The following NTM variants were observed in gnomAD, a reference collection of about 807,000 sequenced individuals.
NTM encodes IgLON family member 2.
Under a neutral mutation model 42.1 loss-of-function variants are expected in NTM, and 13 were observed. The ratio of observed to expected loss-of-function variants is 0.31; its 90% CI spans 0.20 to 0.49. The LOEUF (loss-of-function observed/expected upper bound fraction) is 0.49, where lower values mean the gene tolerates loss of function less well. Among genes scored for constraint, NTM ranks in the 20% least tolerant of loss-of-function variants. The pLI is 0.99. For synonymous variants in NTM, 187 were observed against 179.2 expected (o/e 1.04, Z -0.35); for missense variants, 373 against 452.8 (o/e 0.82, Z 1.60).
Position 132,335,185 on chromosome 11 carries a change from A to G in NTM, c.*39A>G, listed in dbSNP as rs373495069. 5.4e-5 allele frequency: 86 copies of G among 1,596,476 alleles called. No individual in the cohort carries two copies. In the African/African-American group the frequency reaches 1.0e-3, roughly 19 times the overall value. ...TCCCCACCCGGGAAAGGCTGCCGCC[A>G]CCACCACCACCAACACAACAGCAAT... On this transcript the variant is annotated 3_prime_UTR_variant, in exon 9 of 9. Coordinates refer to ENST00000683400, the MANE Select transcript of NTM (RefSeq NM_001352005.2).
intron 4 of NTM, among the ~76,000 whole-genome samples, chr11:132,250,792 T>C (rs1425763492): frequency 6.6e-6 from 1 of 152,212 alleles, no homozygotes; most frequent in Non-Finnish European, 1.5e-5. Flanking sequence ...TGTCATGCAT[T>C]TCTTTATATA....
chr11:132,196,324 G>A (rs1279034532), intron 3 of NTM, among the ~76,000 whole-genome samples: 5 of 152,156 alleles, frequency 3.3e-5, no homozygotes, highest in Non-Finnish European at 5.9e-5. Context: ...GTAGAGAAAA[G>A]GGAACAGGTT....
chr11:132,253,445 G>A (rs1020616012), intron 4 of NTM, among the ~76,000 whole-genome samples: 16 of 117,598 alleles, frequency 1.4e-4, no homozygotes, highest in Admixed American at 9.1e-4. Flanking sequence ...TATGAAAATG[G>A]GGCAGATTTC....
intron 1 of NTM, among the ~76,000 whole-genome samples, chr11:131,853,550 G>A (rs1592286990): frequency 2.0e-5 from 3 of 152,276 alleles, no homozygotes; most frequent in South Asian, 4.1e-4. Context: ...AGCTCCGTCC[G>A]TGTCCCTGCA....
intron 2 of NTM, among the ~76,000 whole-genome samples, chr11:131,952,857 C>T (rs944068403): frequency 6.6e-6 from 1 of 152,196 alleles, no homozygotes; most frequent in Admixed American, 6.5e-5. Flanking sequence ...CTATTTCTCT[C>T]TTCTTGCCCT....
chr11:132,039,255 T>C (rs2076889928), intron 2 of NTM, among the ~76,000 whole-genome samples: 1 of 152,166 alleles, frequency 6.6e-6, no homozygotes, highest in Non-Finnish European at 1.5e-5. Context: ...CTTTGTTTCA[T>C]AGCCAACCTC....
intron 4 of NTM, among the ~76,000 whole-genome samples, chr11:132,257,922 C>T (rs1227053558): frequency 6.6e-6 from 1 of 152,206 alleles, no homozygotes; most frequent in Non-Finnish European, 1.5e-5. Context: ...AGATTGCTCA[C>T]CTGCCGTCCT....
intron 1 of NTM, among the ~76,000 whole-genome samples, chr11:131,673,666 A>G (rs1314978464): frequency 2.0e-5 from 3 of 152,176 alleles, no homozygotes; most frequent in African/African-American, 4.8e-5. Flanking sequence ...CACTGGGAGC[A>G]CTGCTGGACA....
chr11:131,911,016 T>C (rs1370313731), intron 1 of NTM: 2 of 1,018,602 alleles, frequency 2.0e-6, no homozygotes, highest in East Asian at 8.5e-5. Flanking sequence ...TTACAAAGTG[T>C]TGGATGTCCC....
intron 1 of NTM, among the ~76,000 whole-genome samples, chr11:131,652,186 G>A (rs983180294): frequency 6.6e-6 from 1 of 152,182 alleles, no homozygotes; most frequent in African/African-American, 2.4e-5. Context: ...GGCCCCATAA[G>A]GCTTCTGTGA....
At chr11:131,943,547 G>A (rs902496874) in intron 2 of NTM, among the ~76,000 whole-genome samples, 5 of 152,216 alleles carry the variant, frequency 3.3e-5, no homozygotes, top group Non-Finnish European at 7.3e-5. Flanking sequence ...CGCCCTGCCA[G>A]AGTGAAAGAG....
At chr11:132,325,085 A>T (rs1189012375) in intron 7 of NTM, among the ~76,000 whole-genome samples, 1 of 152,094 alleles carries the variant, frequency 6.6e-6, no homozygotes, top group African/African-American at 2.4e-5. Context: ...AAACCTAGGC[A>T]TTACCATTCA....
At chr11:131,957,352 A>C (rs183164989) in intron 2 of NTM, among the ~76,000 whole-genome samples, 1 of 152,328 alleles carries the variant, frequency 6.6e-6, no homozygotes, top group Admixed American at 6.5e-5. Flanking sequence ...GAAGGGAAGT[A>C]ATGCAACTTG....
At chr11:131,794,243 C>T (rs961670002) in intron 1 of NTM, among the ~76,000 whole-genome samples, 17 of 152,112 alleles carry the variant, frequency 1.1e-4, no homozygotes, top group Non-Finnish European at 1.9e-4. Flanking sequence ...CTGCACCTCC[C>T]CTGTGAGCAG....
At chr11:131,646,340 G>C (rs2065769818) in intron 1 of NTM, among the ~76,000 whole-genome samples, 1 of 152,020 alleles carries the variant, frequency 6.6e-6, no homozygotes, top group Non-Finnish European at 1.5e-5. Flanking sequence ...TTCTATTTTT[G>C]ATGCGTATAA....
chr11:132,278,340 T>G (rs1221373937), intron 4 of NTM, among the ~76,000 whole-genome samples: 1 of 152,126 alleles, frequency 6.6e-6, no homozygotes, highest in East Asian at 1.9e-4. Flanking sequence ...TGGGCCTCAG[T>G]TGGAAAGACC....
chr11:131,432,169 A>C (rs1221615473), intron 1 of NTM, among the ~76,000 whole-genome samples: 2 of 152,156 alleles, frequency 1.3e-5, no homozygotes, highest in Non-Finnish European at 2.9e-5. Context: ...ATTCCTCCTT[A>C]AGAAGAGAAT....
chr11:131,690,703 C>T (rs1162622998), intron 1 of NTM, among the ~76,000 whole-genome samples: 5 of 152,146 alleles, frequency 3.3e-5, no homozygotes, highest in African/African-American at 9.7e-5. Flanking sequence ...AGCCTGGGGT[C>T]CAAGGAAGGC....
At chr11:131,598,875 T>TCCTTCCTTCCTTCCTTCTTC (rs1174189983) in intron 1 of NTM, among the ~76,000 whole-genome samples, 2 of 35,034 alleles carry the variant, frequency 5.7e-5, no homozygotes, top group African/African-American at 2.0e-4. Flanking sequence ...CTTCCTTCCT[T>TCCTTCCTTCCTTCCTTCTTC]CTTCCTTCCT....
Sources: gnomAD v4.1 joint callset for allele counts (sites outside exome capture counted in the v4.1 genomes callset) on GRCh38, gnomAD v4.1.1 for gene constraint, MANE v1.5 for transcripts, NCBI Gene and HGNC (gene_info 2026-07-23, HGNC 2026-07-21) for gene names.